Variants in GMDS observed in about 807,000 individuals in gnomAD.
The protein encoded by GMDS is GDP-mannose 4,6 dehydratase.
A neutral mutation model predicts 49.9 loss-of-function variants in GMDS; 20 were observed. That is an observed-to-expected ratio of 0.40 (90% confidence interval 0.28 to 0.58). The LOEUF is 0.58. Among genes scored for constraint, GMDS ranks in the 20% least tolerant of loss-of-function variants. GMDS has a pLI of 0.42. For missense variants in GMDS, 362 were observed against 481.4 expected (o/e 0.75, Z 2.32); for synonymous variants, 177 against 178.6 (o/e 0.99, Z 0.07).
intron 9 of GMDS, among the ~76,000 whole-genome samples, chr6:1,685,859 AAG>A (rs1220273651): frequency 4.6e-5 from 7 of 152,224 alleles, no homozygotes; most frequent in African/African-American, 1.7e-4. Flanking sequence ...AAATGATTTT[AAG>A]AGCTAACAAT....
At chr6:1,979,114 G>T (rs1325043074) in intron 4 of GMDS, among the ~76,000 whole-genome samples, 1 of 152,192 alleles carries the variant, frequency 6.6e-6, no homozygotes, top group African/African-American at 2.4e-5. Flanking sequence ...CAAAAACTCT[G>T]AAAACTCAAT....
chr6:2,131,806 T>G (rs1393661124), intron 1 of GMDS, among the ~76,000 whole-genome samples: 1 of 151,882 alleles, frequency 6.6e-6, no homozygotes, highest in Non-Finnish European at 1.5e-5. Flanking sequence ...TTTTCCTTTT[T>G]TTTTTTTTTC....
intron 7 of GMDS, among the ~76,000 whole-genome samples, chr6:1,880,967 G>A (rs549695985): frequency 6.6e-6 from 1 of 152,154 alleles, no homozygotes; most frequent in Admixed American, 6.5e-5. Flanking sequence ...AAATATTAAA[G>A]TAGAAATCCA....
At chr6:2,058,228 T>C (rs769853058) in intron 4 of GMDS, among the ~76,000 whole-genome samples, 6 of 151,758 alleles carry the variant, frequency 4.0e-5, no homozygotes, top group Non-Finnish European at 5.9e-5. Context: ...CGTGGTGGCA[T>C]GTACCTGTAA....
intron 9 of GMDS, among the ~76,000 whole-genome samples, chr6:1,674,269 C>T (rs1245353021): frequency 6.6e-6 from 1 of 152,120 alleles, no homozygotes; most frequent in Non-Finnish European, 1.5e-5. Context: ...TCCCTAGTGA[C>T]GTATGACGCT....
At chr6:1,770,009 A>T (rs1293594487) in intron 7 of GMDS, among the ~76,000 whole-genome samples, 12 of 152,226 alleles carry the variant, frequency 7.9e-5, no homozygotes, top group Non-Finnish European at 1.8e-4. Flanking sequence ...TACAGGTGTG[A>T]GCCACCGCAC....
chr6:1,726,294 C>A, intron 9 of GMDS, 122 bp downstream of exon 9: 1 of 691,002 alleles, frequency 1.4e-6, no homozygotes, highest in Non-Finnish European at 2.6e-6. Flanking sequence ...GAAATGCACG[C>A]TGAAGGATGC....
At chr6:1,685,227 G>A (rs370830041) in intron 9 of GMDS, among the ~76,000 whole-genome samples, 1 of 149,594 alleles carries the variant, frequency 6.7e-6, no homozygotes, top group Non-Finnish European at 1.5e-5. Context: ...TGAGACCCCC[G>A]TCTCTACTAT....
At chr6:1,703,773 C>T (rs1455082328) in intron 9 of GMDS, among the ~76,000 whole-genome samples, 13 of 152,258 alleles carry the variant, frequency 8.5e-5, no homozygotes, top group African/African-American at 3.1e-4. Context: ...GCTTGGTTCG[C>T]ACTCAGCTCA....
rs567192547 is a variant in GMDS, at chr6:1,981,990, C to G, written c.346-21024G>C. Among the ~76,000 whole-genome samples the G allele has an allele frequency of 2.1e-4, 32 of 152,286 alleles. No individual in the cohort carries two copies. The South Asian group carries it at 6.6e-3, about 32-fold the overall frequency. On this transcript the variant is annotated intron_variant, in intron 4 of 10. Coordinates refer to ENST00000380815, the MANE Select transcript of GMDS (RefSeq NM_001500.4). ...TTCAACATCCCCTCATGTAAAAACTCTCAGTAAACTAGGTATTAACAGAAA... is the reference window on the plus strand; with the variant it reads ...TTCAACATCCCCTCATGTAAAAACTGTCAGTAAACTAGGTATTAACAGAAA...
chr6:2,242,949 T>G (rs746417251), intron 1 of GMDS, among the ~76,000 whole-genome samples: 1 of 152,164 alleles, frequency 6.6e-6, no homozygotes, highest in Non-Finnish European at 1.5e-5. Context: ...GATACTCAAG[T>G]TGGGAGTCAC....
chr6:1,970,589 T>TCCTGTAG (rs1226121806), intron 4 of GMDS, among the ~76,000 whole-genome samples: 4 of 152,238 alleles, frequency 2.6e-5, no homozygotes, highest in Non-Finnish European at 5.9e-5. Context: ...TGCCTTGCCC[T>TCCTGTAG]CCTGTAGCCT....
At chr6:2,157,394 T>C (rs1213042087) in intron 1 of GMDS, among the ~76,000 whole-genome samples, 3 of 152,228 alleles carry the variant, frequency 2.0e-5, no homozygotes, top group Admixed American at 6.5e-5. Flanking sequence ...ATTTCTGCGG[T>C]AGAATGCAAG....
intron 7 of GMDS, among the ~76,000 whole-genome samples, chr6:1,795,433 A>G (rs1427185728): frequency 6.6e-6 from 1 of 152,176 alleles, no homozygotes; most frequent in Non-Finnish European, 1.5e-5. Context: ...CCCTTTTCCC[A>G]TATATCTGTA....
rs1396249188 is a variant in GMDS, at chr6:2,195,854, A to G, written c.102+49467T>C. Among the ~76,000 whole-genome samples, 15 of 151,178 alleles carry G rather than the reference A, an allele frequency of 9.9e-5. No individual in the cohort carries two copies. The East Asian group carries it at 1.2e-3, about 12-fold the overall frequency. ...AAAAAAAGTTAATAAAAATAAATATATAAATAATAAATCATGCTGACAGTT... is the reference window on the plus strand; with the variant it reads ...AAAAAAAGTTAATAAAAATAAATATGTAAATAATAAATCATGCTGACAGTT... On this transcript the variant is annotated intron_variant, in intron 1 of 10. Coordinates refer to ENST00000380815, the MANE Select transcript of GMDS (RefSeq NM_001500.4).
chr6:1,661,427 C>T (rs1410970892), intron 9 of GMDS, among the ~76,000 whole-genome samples: 1 of 152,214 alleles, frequency 6.6e-6, no homozygotes, highest in African/African-American at 2.4e-5. Context: ...ATAGACGACA[C>T]CCCTGTGATG....
chr6:2,109,127 C>A (rs1225648489), intron 4 of GMDS, among the ~76,000 whole-genome samples: 2 of 152,150 alleles, frequency 1.3e-5, no homozygotes, highest in East Asian at 1.9e-4. Flanking sequence ...CTGAGCCCAT[C>A]CATTTCTCTA....
intron 9 of GMDS, among the ~76,000 whole-genome samples, chr6:1,633,801 G>A (rs1434075828): frequency 2.0e-5 from 3 of 152,116 alleles, no homozygotes; most frequent in East Asian, 1.9e-4. Context: ...TTGGCCTCCC[G>A]GGTGGTTTCT....
intron 7 of GMDS, among the ~76,000 whole-genome samples, chr6:1,855,578 C>T (rs1234787158): frequency 6.6e-6 from 1 of 151,916 alleles, no homozygotes. Flanking sequence ...ACAGCTGTCA[C>T]CAGGAAGTAG....
Sources: gnomAD v4.1 joint callset for allele counts (sites outside exome capture counted in the v4.1 genomes callset) on GRCh38, gnomAD v4.1.1 for gene constraint, MANE v1.5 for transcripts, NCBI Gene and HGNC (gene_info 2026-07-23, HGNC 2026-07-21) for gene names.